Variants in CHLSN observed in about 807,000 individuals in gnomAD.
CHLSN encodes the protein cholesin.
At chr7:1,059,783 G>C in the CHLSN span, among the ~76,000 whole-genome samples, 1 of 45,080 alleles carries the variant, frequency 2.2e-5, no homozygotes, top group Non-Finnish European at 5.1e-5. Flanking sequence ...TCCGTAATGA[G>C]GCGGGTCTTA....
At chr7:1,055,785 C>T in the CHLSN span, among the ~76,000 whole-genome samples, 25 of 152,156 alleles carry the variant, frequency 1.6e-4, no homozygotes, top group African/African-American at 5.8e-4. Context: ...CCTCCCGCTC[C>T]GATCTTCTAA....
At chr7:988,641 G>A in the CHLSN span, 6 of 1,602,368 alleles carry the variant, frequency 3.7e-6, no homozygotes, top group East Asian at 2.2e-5. Flanking sequence ...GCAGGCCGCC[G>A]CGTCTGTGTT....
chr7:1,006,599 G>A, the CHLSN span, among the ~76,000 whole-genome samples: 1 of 125,576 alleles, frequency 8.0e-6, no homozygotes, highest in Non-Finnish European at 1.7e-5. Context: ...AAGAGCGCAC[G>A]ACGGCCACAG....
chr7:1,120,279 C>G, the CHLSN span, among the ~76,000 whole-genome samples: 5 of 152,146 alleles, frequency 3.3e-5, no homozygotes, highest in African/African-American at 1.2e-4. Context: ...AGCCAGGACC[C>G]TCATGCTTCT....
chr7:1,092,464 C>G, the CHLSN span: 1 of 1,607,910 alleles, frequency 6.2e-7, no homozygotes, highest in Non-Finnish European at 8.5e-7. Context: ...CAGGGCGCAC[C>G]GGCACCGTGG....
At chr7:1,026,728 C>G in the CHLSN span, 1 of 152,264 alleles carries the variant, frequency 6.6e-6, no homozygotes, top group Non-Finnish European at 1.5e-5. Flanking sequence ...TGCTGCCGCT[C>G]CAGCACCTGG....
the CHLSN span, among the ~76,000 whole-genome samples, chr7:990,322 G>A: frequency 1.2e-5 from 1 of 81,002 alleles, no homozygotes; most frequent in Non-Finnish European, 2.5e-5. Flanking sequence ...GGTCGGCAGT[G>A]TGACAGTGGC....
At chr7:1,093,584 A>G in the CHLSN span, 3 of 471,154 alleles carry the variant, frequency 6.4e-6, no homozygotes, top group East Asian at 6.9e-5. Flanking sequence ...TGACATCAAC[A>G]TGGCAATTGC....
chr7:1,068,955 G>A, the CHLSN span, among the ~76,000 whole-genome samples: 4 of 152,202 alleles, frequency 2.6e-5, no homozygotes, highest in East Asian at 1.9e-4. Flanking sequence ...AGGGGCCTGC[G>A]TACTGGGGGA....
chr7:1,092,315 T>C, the CHLSN span: 2 of 1,611,952 alleles, frequency 1.2e-6, no homozygotes, highest in South Asian at 1.1e-5. Context: ...TTCACCGCCG[T>C]GCACCTGCAG....
the CHLSN span, among the ~76,000 whole-genome samples, chr7:999,538 G>A: frequency 1.4e-3 from 216 of 152,260 alleles, no homozygotes; most frequent in African/African-American, 5.0e-3. Flanking sequence ...TCGTGTCACT[G>A]CACTCCAGCC....
At chr7:985,608 G>A in the CHLSN span, among the ~76,000 whole-genome samples, 1 of 152,182 alleles carries the variant, frequency 6.6e-6, no homozygotes, top group Non-Finnish European at 1.5e-5. Flanking sequence ...AGGCAGGCAT[G>A]GCTTCCCCAG....
the CHLSN span, among the ~76,000 whole-genome samples, chr7:1,005,427 C>T: frequency 6.6e-6 from 1 of 152,256 alleles, no homozygotes; most frequent in Non-Finnish European, 1.5e-5. Flanking sequence ...CGTAACTGCA[C>T]CAGGAACTGC....
At chr7:1,044,632 C>A in the CHLSN span, 1 of 151,676 alleles carries the variant, frequency 6.6e-6, no homozygotes, top group South Asian at 2.1e-4. Context: ...CCGGCGGCGA[C>A]TGCGCCGGCC....
chr7:1,022,786 G>A, the CHLSN span: 85 of 268,922 alleles, frequency 3.2e-4, 1 homozygote, highest in South Asian at 2.5e-3. Flanking sequence ...TCCTCCCTAG[G>A]ACACCAGTGG....
the CHLSN span, chr7:986,797 G>C: frequency 1.9e-6 from 3 of 1,553,340 alleles, no homozygotes. Context: ...AGCAGGGACA[G>C]GTGTGTCGGG....
At chr7:991,288 G>A in the CHLSN span, among the ~76,000 whole-genome samples, 1 of 152,022 alleles carries the variant, frequency 6.6e-6, no homozygotes, top group Non-Finnish European at 1.5e-5. Context: ...CGACTCACGC[G>A]ACCTCTCACC....
chr7:1,136,455 C>CATATATATAAAT, the CHLSN span, among the ~76,000 whole-genome samples: 41 of 99,838 alleles, frequency 4.1e-4, 2 homozygotes, highest in African/African-American at 1.4e-3. Context: ...TATATATAAA[C>CATATATATAAAT]ATATATAAAC....
the CHLSN span, among the ~76,000 whole-genome samples, chr7:1,075,218 A>T: frequency 6.6e-6 from 1 of 152,134 alleles, no homozygotes; most frequent in Admixed American, 6.5e-5. Flanking sequence ...GGGTGGTTAG[A>T]AACAGCCATT....
Sources: allele counts gnomAD v4.1 joint callset (sites outside exome capture counted in the v4.1 genomes callset), GRCh38; gene constraint gnomAD v4.1.1; transcripts MANE v1.5; gene names NCBI Gene and HGNC (gene_info 2026-07-23, HGNC 2026-07-21).